The following KBTBD12 variants were observed in gnomAD, a reference collection of about 807,000 sequenced individuals.
KBTBD12 encodes kelch repeat and BTB domain-containing protein 12.
A neutral mutation model predicts 58.7 loss-of-function variants in KBTBD12; 53 were observed. The ratio of observed to expected loss-of-function variants is 0.90; its 90% CI spans 0.72 to 1.14. KBTBD12 has a LOEUF of 1.14. Ranked by LOEUF, KBTBD12 falls within the 50% of genes most tolerant of loss-of-function variation. KBTBD12 has a pLI of 0.00. For synonymous variants in KBTBD12, 236 were observed against 259.8 expected, an observed-to-expected ratio of 0.91 and a Z score of 0.88; for missense variants, 704 against 751.3, an observed-to-expected ratio of 0.94 and a Z score of 0.74.
chr3:127,978,784 G>A lies in KBTBD12; in HGVS notation c.1691-5313G>A, dbSNP rs191245911. Among the ~76,000 whole-genome samples, 19 of 152,268 alleles carry A rather than the reference G, an allele frequency of 1.2e-4. 1 individual carries two copies. The Middle Eastern group carries it at 0.01, about 82-fold the overall frequency. On this transcript the variant is annotated intron_variant, in intron 5 of 5. Coordinates refer to ENST00000405109, the MANE Select transcript of KBTBD12 (RefSeq NM_207335.4). Reference sequence around the variant, plus strand: ...CTTTCCATCTTGGTCTACTGGCCACGTCACCTTGGAGGCATGCATGTTCAT... The same window carrying A: ...CTTTCCATCTTGGTCTACTGGCCACATCACCTTGGAGGCATGCATGTTCAT...
rs549219246 is a variant in KBTBD12, at chr3:127,930,514, T to C, written c.1492+231T>C. 3.9e-5 allele frequency among the ~76,000 whole-genome samples: 6 copies of C among 152,330 alleles called. No individual in the cohort carries two copies. The South Asian group carries it at 1.0e-3, about 26-fold the overall frequency. The stretch of plus-strand genomic sequence containing the variant: ...ATTTTTATGGCATTTACAAGTGCCT[T>C]GGAATGTAAAAACAATAATGATACA... On this transcript the variant is annotated intron_variant, in intron 4 of 5. Coordinates refer to ENST00000405109, the MANE Select transcript of KBTBD12 (RefSeq NM_207335.4).
rs780817314 is a variant in KBTBD12, at chr3:127,923,687, G to A, written c.626G>A (p.Arg209His). ...LRWVNHNKEL[R>H]TVHLVELLKQ... is the part of the protein sequence containing the mutation. ...TGGGTAAATCATAACAAAGAATTGCGTACAGTGCATCTTGTTGAGCTTTTG... is the reference window on the plus strand; with the variant it reads ...TGGGTAAATCATAACAAAGAATTGCATACAGTGCATCTTGTTGAGCTTTTG... The change falls in exon 2 of 6, where the codon CGT becomes CAT. Residue 209 changes from arginine to histidine, a missense_variant. Physicochemically the swap from Arg to His is conservative, Grantham distance 29. Transcript: ENST00000405109. The A allele has an allele frequency of 2.1e-5, 34 of 1,613,796 alleles. No homozygotes were observed. The highest frequency in any genetic ancestry group is 5.3e-5 in the African/African-American group (4 of 75,046).
chr3:127,963,671 G>A (rs1940500777), intron 5 of KBTBD12: 2 of 313,426 alleles, frequency 6.4e-6, no homozygotes, highest in African/African-American at 2.2e-5. Flanking sequence ...AAGCAGGGTC[G>A]GGCCTGATTA....
At chr3:127,940,689 T>C (rs2107598548) in intron 4 of KBTBD12, among the ~76,000 whole-genome samples, 1 of 146,300 alleles carries the variant, frequency 6.8e-6, no homozygotes. Flanking sequence ...ATAAATCAAG[T>C]AGAAGAAAGT....
chr3:127,963,220 C>T lies in KBTBD12; in HGVS notation c.1524C>T (p.Gly508=). 1 of 1,611,726 alleles carries T rather than the reference C, an allele frequency of 6.2e-7. No individual in the cohort carries two copies. The highest frequency in any genetic ancestry group is 8.5e-7 in the Non-Finnish European group (1 of 1,178,934). ...GGIGCVGQDK[G]QVRKCLDVVE... is the part of the protein sequence containing the mutation. ...TTGGCTGTGTAGGTCAAGACAAGGGCCAGGTTCGAAAATGCCTTGACGTGG... is the reference window on the plus strand; with the variant it reads ...TTGGCTGTGTAGGTCAAGACAAGGGTCAGGTTCGAAAATGCCTTGACGTGG... Residue 508 remains glycine (G), a synonymous_variant, in exon 5 of 6, where the codon GGC becomes GGT. Coordinates refer to ENST00000405109, the MANE Select transcript of KBTBD12 (RefSeq NM_207335.4).
intron 2 of KBTBD12, among the ~76,000 whole-genome samples, chr3:127,926,965 T>G (rs1317201034): frequency 6.6e-6 from 1 of 152,098 alleles, no homozygotes; most frequent in Non-Finnish European, 1.5e-5. Context: ...TAAAGACTTA[T>G]CATAATCATG....
intron 3 of KBTBD12, 70 bp downstream of exon 3, chr3:127,928,104 G>A (rs1046775611): frequency 3.0e-6 from 4 of 1,332,756 alleles, no homozygotes; most frequent in Non-Finnish European, 4.3e-6. Flanking sequence ...AAACATTGTT[G>A]TAGTTGTTGA....
At chr3:127,957,610 C>T (rs1383348367) in intron 4 of KBTBD12, among the ~76,000 whole-genome samples, 1 of 152,110 alleles carries the variant, frequency 6.6e-6, no homozygotes, top group Non-Finnish European at 1.5e-5. Flanking sequence ...TTCTGAAAAG[C>T]CAGTTATCAC....
chr3:127,930,025 T>C (rs1939665169), intron 3 of KBTBD12, 108 bp from the exon 4 acceptor site: 6 of 971,380 alleles, frequency 6.2e-6, no homozygotes, highest in Middle Eastern at 2.9e-4. Flanking sequence ...GTCACTGCAG[T>C]TAACCTCTAT....
At position 127,923,532 on chromosome 3, in the gene KBTBD12, T is replaced by C. The variant is rs368361914; in HGVS notation, c.471T>C (p.Tyr157=). The C allele has an allele frequency of 3.1e-6, 5 of 1,612,306 alleles. No individual in the cohort carries two copies. In the African/African-American group the frequency reaches 6.7e-5, roughly 22 times the overall value. The change falls in exon 2 of 6, where the codon TAT becomes TAC. Residue 157 remains tyrosine (Y), a synonymous_variant. Transcript: ENST00000405109. ...CTGATCGATCAAAGAAATATTTATA[T>C]CAGCACTTTGCCGAGGTGAGCTTAC... The part of the protein sequence containing the change: ...DLSDRSKKYL[Y]QHFAEVSLHE...
chr3:127,951,371 G>T (rs1225365135), intron 4 of KBTBD12, among the ~76,000 whole-genome samples: 1 of 152,162 alleles, frequency 6.6e-6, no homozygotes, highest in African/African-American at 2.4e-5. Flanking sequence ...ACAAAGATGA[G>T]AGTGGATTGC....
intron 5 of KBTBD12, among the ~76,000 whole-genome samples, chr3:127,983,299 A>C (rs1050201599): frequency 6.6e-6 from 1 of 152,112 alleles, no homozygotes; most frequent in Non-Finnish European, 1.5e-5. Context: ...TTCTCTCTGA[A>C]ACTCATGTTG....
At chr3:127,925,761 T>C (rs2107590319) in intron 2 of KBTBD12, among the ~76,000 whole-genome samples, 1 of 152,316 alleles carries the variant, frequency 6.6e-6, no homozygotes, top group Non-Finnish European at 1.5e-5. Context: ...TCAGAAGCAT[T>C]GCTTTAGGCT....
intron 1 of KBTBD12, among the ~76,000 whole-genome samples, chr3:127,920,025 G>GC (rs1330389314): frequency 6.6e-6 from 1 of 152,212 alleles, no homozygotes; most frequent in East Asian, 1.9e-4. Context: ...TTCCCCACTT[G>GC]CATCCCTCTT....
At chr3:127,980,448 G>C (rs1940854237) in intron 5 of KBTBD12, among the ~76,000 whole-genome samples, 1 of 152,144 alleles carries the variant, frequency 6.6e-6, no homozygotes, top group South Asian at 2.1e-4. Context: ...TCCTGCCTCA[G>C]CCTCCCAAGT....
intron 4 of KBTBD12, among the ~76,000 whole-genome samples, chr3:127,946,351 C>T (rs1268763688): frequency 6.6e-6 from 1 of 152,034 alleles, no homozygotes; most frequent in Non-Finnish European, 1.5e-5. Flanking sequence ...TTTGATTGTC[C>T]GTAAATGTCT....
intron 1 of KBTBD12, among the ~76,000 whole-genome samples, chr3:127,919,533 T>C (rs1375913752): frequency 6.6e-6 from 1 of 152,224 alleles, no homozygotes; most frequent in African/African-American, 2.4e-5. Flanking sequence ...CATGCCAGTT[T>C]AGGAATGCAG....
At chr3:127,978,778 G>A (rs989736785) in intron 5 of KBTBD12, among the ~76,000 whole-genome samples, 8 of 152,180 alleles carry the variant, frequency 5.3e-5, no homozygotes, top group African/African-American at 1.9e-4. Flanking sequence ...TTGGTCTACT[G>A]GCCACGTCAC....
intron 5 of KBTBD12, among the ~76,000 whole-genome samples, chr3:127,982,619 C>T (rs73860798): frequency 0.092 from 14,003 of 152,250 alleles, 928 homozygotes; most frequent in South Asian, 0.2. Flanking sequence ...CTGAGCCTCT[C>T]CCTTGCCTGC....
Sources: allele counts gnomAD v4.1 joint callset (sites outside exome capture counted in the v4.1 genomes callset), GRCh38; gene constraint gnomAD v4.1.1; transcripts MANE v1.5; gene names NCBI Gene and HGNC (gene_info 2026-07-23, HGNC 2026-07-21).